The following TMTC1 variants were observed in gnomAD, a reference collection of about 807,000 sequenced individuals.
The protein encoded by TMTC1 is transmembrane O-mannosyltransferase targeting cadherins 1, also known as protein O-mannosyl-transferase TMTC1.
TMTC1 carries 73 observed loss-of-function variants against 104.8 expected under a neutral mutation model. The ratio of observed to expected loss-of-function variants is 0.70; its 90% confidence interval spans 0.58 to 0.85. TMTC1 has a LOEUF of 0.85. Ranked by LOEUF, TMTC1 falls within the 40% of genes least tolerant of loss-of-function variation. The probability of loss-of-function intolerance (pLI) is 0.00; values close to 1 mark genes in which losing one functional copy is unlikely to be tolerated. For missense variants in TMTC1, 1,035 were observed against 1,096.1 expected, an observed-to-expected ratio of 0.94 and a Z score of 0.79; for synonymous variants, 434 against 428.7, an observed-to-expected ratio of 1.01 and a Z score of -0.15.
intron 9 of TMTC1, among the ~76,000 whole-genome samples, chr12:29,557,514 G>C (rs558353345): frequency 3.0e-4 from 45 of 152,330 alleles, no homozygotes; most frequent in African/African-American, 9.6e-4. Context: ...GCAGTGGCAC[G>C]ATCTTGGCTC....
rs200289881 is a variant in TMTC1 at position 29,514,432 on chromosome 12, T to G, written c.2430+50A>C. 25 of 1,562,874 alleles carry G rather than the reference T, an allele frequency of 1.6e-5. No homozygotes were observed. In the African/African-American group the frequency reaches 2.7e-4, roughly 17 times the overall value. On this transcript the variant is annotated intron_variant, in intron 16 of 17. Transcript: ENST00000539277. ...TGTTTCCTTAAAGATCAAAAGACAATTAATTTTAATCTGTGAATTTGATGA... is the reference window on the plus strand; with the variant it reads ...TGTTTCCTTAAAGATCAAAAGACAAGTAATTTTAATCTGTGAATTTGATGA...
chr12:29,551,553 T>C (rs1208320501), intron 10 of TMTC1, among the ~76,000 whole-genome samples: 1 of 152,214 alleles, frequency 6.6e-6, no homozygotes, highest in Non-Finnish European at 1.5e-5. Context: ...TATTCTATTA[T>C]GTGAACAAAA....
chr12:29,751,680 C>G lies in TMTC1; in HGVS notation c.924G>C (p.Val308=). Reference sequence around the variant, plus strand: ...CAGCCCAGTACCTCATCATGGACCACACAGCTCGTGGGGACACTGGGAATC... The same window carrying G: ...CAGCCCAGTACCTCATCATGGACCAGACAGCTCGTGGGGACACTGGGAATC... ...SSGFPVSPRA[V]WSMMRFLTYS... is the part of the protein sequence containing the mutation. Residue 308 remains valine (V), a synonymous_variant, in exon 5 of 18, where the codon GTG becomes GTC. Coordinates refer to ENST00000539277, the MANE Select transcript of TMTC1 (RefSeq NM_001193451.2). The G allele has an allele frequency of 6.2e-7, 1 of 1,614,156 alleles. No individual in the cohort carries two copies. Among genetic ancestry groups the G allele is most frequent in the East Asian group, 2.2e-5 (1 of 44,868 alleles).
At position 29,755,760 on chromosome 12, in the gene TMTC1, C is replaced by G; in HGVS notation, c.680G>C (p.Gly227Ala). The change falls in exon 4 of 18, where the codon GGA becomes GCA. Residue 227 changes from glycine (G) to alanine (A), a missense_variant. Physicochemically the swap from Gly to Ala is moderately conservative, Grantham distance 60. Coordinates refer to ENST00000539277, the MANE Select transcript of TMTC1 (RefSeq NM_001193451.2). ...LVKETGITVFGVCLVYDLFSL... is the reference protein window; with the variant it reads ...LVKETGITVFAVCLVYDLFSL... The stretch of plus-strand genomic sequence containing the variant: ...AAAGAGGTCATAAACCAAGCACACT[C>G]CAAACACCGTGATGCCTGTCTCTTT... 1 of 1,614,154 alleles carries G rather than the reference C, an allele frequency of 6.2e-7. No homozygotes were observed. The highest frequency in any genetic ancestry group is 8.5e-7 in the Non-Finnish European group (1 of 1,180,020).
chr12:29,604,217 A>G lies in TMTC1; in HGVS notation c.1211T>C (p.Val404Ala). ...FIPASNLFFR[V>A]GFVVAERVLY... is the part of the protein sequence containing the mutation. ...GACTCTCTCCGCCACCACAAAACCCACCCTGAAGAAGAGGTTGCTGGCTGG... is the reference window on the plus strand; with the variant it reads ...GACTCTCTCCGCCACCACAAAACCCGCCCTGAAGAAGAGGTTGCTGGCTGG... The change falls in exon 7 of 18, where the codon GTG (valine) becomes GCG (alanine). Residue 404 changes from valine (V) to alanine (A), a missense_variant. Transcript: ENST00000539277. The G allele has an allele frequency of 6.2e-7, 1 of 1,613,790 alleles. No individual in the cohort carries two copies. Among genetic ancestry groups the G allele is most frequent in the Non-Finnish European group, 8.5e-7 (1 of 1,179,856 alleles).
chr12:29,518,590 C>T lies in TMTC1; in HGVS notation c.1906G>A (p.Val636Met), dbSNP rs757793347. ...TTGATGGCCTGCTGGTAATGGGCCA[C>T]TGCCTTTTCTGGTAAGCCTGTAACC... ...LVDTGLPEKAVAHYQQAIKLS... is the reference protein window; with the variant it reads ...LVDTGLPEKAMAHYQQAIKLS... Residue 636 changes from valine to methionine, a missense_variant, in exon 13 of 18, where the codon GTG becomes ATG. Val to Met is a conservative substitution (Grantham distance 21). Transcript: ENST00000539277. The T allele has an allele frequency of 1.9e-6, 3 of 1,614,054 alleles. No homozygotes were observed. The highest frequency in any genetic ancestry group is 2.2e-5 in the South Asian group (2 of 91,082).
rs745561233 is a variant in TMTC1, at chr12:29,516,472, G to T, written c.2184C>A (p.Ala728=). 3.7e-6 allele frequency: 6 copies of T among 1,613,464 alleles called. No homozygotes were observed. In the East Asian group the frequency reaches 1.1e-4, roughly 30 times the overall value. ...ELRLALAQVL[A]VMGQTKEAEK... Reference sequence around the variant, plus strand: ...CAGCTTCTTTTGTCTGACCCATCACGGCCAAAACCTGAGCCTACAAAACCA... The same window carrying T: ...CAGCTTCTTTTGTCTGACCCATCACTGCCAAAACCTGAGCCTACAAAACCA... Residue 728 remains alanine, a synonymous_variant, in exon 15 of 18, where the codon GCC becomes GCA. Coordinates refer to ENST00000539277, the MANE Select transcript of TMTC1 (RefSeq NM_001193451.2).
chr12:29,555,102 C>A (rs2136252407), intron 10 of TMTC1, among the ~76,000 whole-genome samples: 1 of 144,020 alleles, frequency 6.9e-6, no homozygotes, highest in Non-Finnish European at 1.5e-5. Context: ...GCTTCACAAT[C>A]TATAAAGGGT....
At chr12:29,599,993 C>CATAT (rs71444331) in intron 7 of TMTC1, among the ~76,000 whole-genome samples, 1,345 of 81,790 alleles carry the variant, frequency 0.016, 24 homozygotes, top group African/African-American at 0.024. Flanking sequence ...TGTGTATATA[C>CATAT]ATATATATAT....
At chr12:29,686,252 T>C (rs1210764675) in intron 5 of TMTC1, among the ~76,000 whole-genome samples, 1 of 152,222 alleles carries the variant, frequency 6.6e-6, no homozygotes, top group Non-Finnish European at 1.5e-5. Flanking sequence ...GTGGCTTTTC[T>C]TCCATCTACC....
At position 29,607,729 on chromosome 12, in the gene TMTC1, A is replaced by T. The variant is rs34377769; in HGVS notation, c.1129-3430T>A. 4.2e-3 allele frequency among the ~76,000 whole-genome samples: 643 copies of T among 152,322 alleles called. 2 individuals are homozygous for T. Among genetic ancestry groups the T allele is most frequent in the Non-Finnish European group, 5.9e-3 (403 of 68,040 alleles). ...GTAGTGACCCTGCCACCGATACACC[A>T]TTGGTACTTGGACAGGCAATATTAT... On this transcript the variant is annotated intron_variant, in intron 6 of 17. Transcript: ENST00000539277.
At chr12:29,768,165 A>C (rs1192493265) in intron 1 of TMTC1, 90 bp from the exon 2 acceptor site, 1 of 975,688 alleles carries the variant, frequency 1.0e-6, no homozygotes, top group African/African-American at 1.7e-5. Context: ...TCATTTAAAA[A>C]GATAAGCTAT....
At chr12:29,632,116 C>G (rs1296198665) in intron 6 of TMTC1, among the ~76,000 whole-genome samples, 1 of 152,134 alleles carries the variant, frequency 6.6e-6, no homozygotes, top group East Asian at 1.9e-4. Context: ...TAAATTTTTG[C>G]TGCTCTGTTT....
rs755498755 is a variant in TMTC1 at position 29,506,544 on chromosome 12, A to G, written c.*302T>C. 7.1e-6 allele frequency: 2 copies of G among 282,786 alleles called. No individual in the cohort carries two copies. Among genetic ancestry groups the G allele is most frequent in the Non-Finnish European group, 1.3e-5 (2 of 149,438 alleles). The allele number at this position is 282,786 out of a possible 1,614,324, so 17.5% of individuals were successfully genotyped here. ...ACAGAATTAGATCTCCAGGTCTCAA[A>G]AGCACAGAGATATATCAAGAGAAAT... On this transcript the variant is annotated 3_prime_UTR_variant, in exon 18 of 18. Coordinates refer to ENST00000539277, the MANE Select transcript of TMTC1 (RefSeq NM_001193451.2).
intron 5 of TMTC1, among the ~76,000 whole-genome samples, chr12:29,723,078 A>G (rs915183566): frequency 2.0e-5 from 3 of 152,056 alleles, no homozygotes; most frequent in African/African-American, 7.2e-5. Flanking sequence ...TACCTTTTAT[A>G]AGAGTTTCAA....
chr12:29,674,592 C>T (rs773422254), intron 5 of TMTC1, among the ~76,000 whole-genome samples: 16 of 152,298 alleles, frequency 1.1e-4, no homozygotes, highest in African/African-American at 2.4e-4. Context: ...TTCTTGCTGA[C>T]GGGACTCCTT....
chr12:29,712,164 C>T (rs1023033114), intron 5 of TMTC1, among the ~76,000 whole-genome samples: 1 of 152,158 alleles, frequency 6.6e-6, no homozygotes, highest in African/African-American at 2.4e-5. Flanking sequence ...CCCAAATTAA[C>T]CAGCCTGCTC....
rs758456578 is a variant in TMTC1 at position 29,525,675 on chromosome 12, A to AAT, written c.1786-4956_1786-4955insAT. On this transcript the variant is annotated intron_variant, in intron 11 of 17. Transcript: ENST00000539277. ...AGTCATATCAGAGTTTCAGACCAGA[A>AAT]AGTAAATGAGGTTTTGTTATTAGGG... Among the ~76,000 whole-genome samples the AAT allele has an allele frequency of 2.0e-5, 3 of 152,228 alleles. No homozygotes were observed. The South Asian group carries it at 6.2e-4, about 32-fold the overall frequency.
chr12:29,677,964 T>C (rs1288009696), intron 5 of TMTC1, among the ~76,000 whole-genome samples: 24 of 152,240 alleles, frequency 1.6e-4, no homozygotes, highest in Admixed American at 1.6e-3. Context: ...GGAAAAAACG[T>C]AGCAATAGTA....
Sources: gnomAD v4.1 joint callset for allele counts (sites outside exome capture counted in the v4.1 genomes callset) on GRCh38, gnomAD v4.1.1 for gene constraint, MANE v1.5 for transcripts, NCBI Gene and HGNC (gene_info 2026-07-23, HGNC 2026-07-21) for gene names.